TEX14: variants seen among roughly 807,000 people sequenced by gnomAD.
The protein encoded by TEX14 is inactive serine/threonine-protein kinase TEX14.
In TEX14, 168 loss-of-function variants were observed where a neutral mutation model predicts 178.6. That is an observed-to-expected ratio of 0.94 (90% CI 0.83 to 1.07). TEX14 has a LOEUF of 1.07. Among genes scored for constraint, TEX14 ranks in the 50% least tolerant of loss-of-function variants. The pLI, the probability that TEX14 is intolerant of heterozygous loss-of-function variation, is 0.00. For synonymous variants in TEX14, 626 were observed against 634.1 expected (o/e 0.99, Z 0.19); for missense variants, 1,730 against 1,753.6 (o/e 0.99, Z 0.24).
chr17:58,571,912 T>C lies in TEX14; in HGVS notation c.3717+9A>G. ...CCATGAGTTTGTAACGTGGAATTGATATACTTACAAGACCAGTCAGTCTTG... is the reference window on the plus strand; with the variant it reads ...CCATGAGTTTGTAACGTGGAATTGACATACTTACAAGACCAGTCAGTCTTG... On this transcript the variant is annotated intron_variant, in intron 24 of 31. Coordinates refer to ENST00000349033, the MANE Select transcript of TEX14 (RefSeq NM_031272.5). 1.9e-6 allele frequency: 3 copies of C among 1,612,352 alleles called. No individual in the cohort carries two copies. The highest frequency in any genetic ancestry group is 1.1e-5 in the South Asian group (1 of 91,030).
chr17:58,616,989 G>A (rs940037634), intron 6 of TEX14, among the ~76,000 whole-genome samples: 15 of 151,700 alleles, frequency 9.9e-5, no homozygotes, highest in South Asian at 4.1e-4. Context: ...GTTGGCTCAC[G>A]CCTGTAATCC....
intron 1 of TEX14, among the ~76,000 whole-genome samples, chr17:58,673,891 G>A (rs970651014): frequency 3.3e-5 from 5 of 152,068 alleles, no homozygotes; most frequent in Non-Finnish European, 7.3e-5. Flanking sequence ...TTATAGTTAG[G>A]ACATATTATC....
chr17:58,685,996 C>CAAAAA (rs34156664), intron 1 of TEX14, among the ~76,000 whole-genome samples: 7 of 82,480 alleles, frequency 8.5e-5, no homozygotes, highest in African/African-American at 1.9e-4. Flanking sequence ...CTCTGTCTCA[C>CAAAAA]AAAAAAAAAA....
intron 15 of TEX14, among the ~76,000 whole-genome samples, chr17:58,589,794 G>C (rs2045079741): frequency 6.6e-6 from 1 of 151,522 alleles, no homozygotes; most frequent in Non-Finnish European, 1.5e-5. Context: ...CAACTTCCCA[G>C]GCTCCAGCGA....
intron 1 of TEX14, among the ~76,000 whole-genome samples, chr17:58,686,052 G>A (rs1391804770): frequency 1.4e-5 from 2 of 147,120 alleles, no homozygotes; most frequent in Non-Finnish European, 3.0e-5. Context: ...GAAATGTACT[G>A]TAAAAAGATC....
Position 58,601,840 on chromosome 17 carries a change from T to A in TEX14, c.1644A>T (p.Thr548=), listed in dbSNP as rs534773851. 4 of 1,613,332 alleles carry A rather than the reference T, an allele frequency of 2.5e-6. No homozygotes were observed. In the East Asian group the frequency reaches 8.9e-5, roughly 36 times the overall value. ...TTAGTTCTATGATTTCCATGTCAGGTGTCTCTCTGGGGTGTTCTGAAGTCA... is the reference window on the plus strand; with the variant it reads ...TTAGTTCTATGATTTCCATGTCAGGAGTCTCTCTGGGGTGTTCTGAAGTCA... ...LGLTSEHPRE[T]PDMEIIELKE... is the part of the protein sequence containing the mutation. Residue 548 remains threonine, a synonymous_variant, in exon 13 of 32, where the codon ACA becomes ACT. Transcript: ENST00000349033.
intron 1 of TEX14, among the ~76,000 whole-genome samples, chr17:58,683,007 C>T (rs1420643331): frequency 8.8e-5 from 13 of 147,932 alleles, no homozygotes; most frequent in Admixed American, 2.7e-4. Flanking sequence ...GTGTCGAGAT[C>T]GCGCCATTGC....
chr17:58,627,985 G>A (rs1412481758), intron 3 of TEX14, among the ~76,000 whole-genome samples: 1 of 146,778 alleles, frequency 6.8e-6, no homozygotes, highest in Non-Finnish European at 1.5e-5. Context: ...AAACTCCTGG[G>A]CTCGAGCAAT....
intron 3 of TEX14, among the ~76,000 whole-genome samples, chr17:58,624,231 T>C (rs2046079065): frequency 6.6e-6 from 1 of 151,866 alleles, no homozygotes; most frequent in Non-Finnish European, 1.5e-5. Context: ...AGGCAGAGCT[T>C]GCAGTGAGCC....
At chr17:58,690,199 C>T (rs904277643) in intron 1 of TEX14, among the ~76,000 whole-genome samples, 3 of 151,900 alleles carry the variant, frequency 2.0e-5, no homozygotes, top group African/African-American at 7.3e-5. Context: ...TGGAGTCTCG[C>T]TCTGTCGCCC....
At chr17:58,672,609 TA>T (rs1358731150) in intron 1 of TEX14, among the ~76,000 whole-genome samples, 1 of 152,110 alleles carries the variant, frequency 6.6e-6, no homozygotes, top group Admixed American at 6.6e-5. Context: ...AATGTTTTTT[TA>T]TTTTTTGTAT....
chr17:58,562,512 C>CT lies in TEX14; in HGVS notation c.4065-901dup, dbSNP rs534008645. ...GATCACGTAAAAAGAGCTTAATTTT[C>CT]TTTTTTTTTTTTGAGACAGTCTCGC... is the stretch of plus-strand genomic sequence containing the variant. On this transcript the variant is annotated intron_variant, in intron 28 of 31. Transcript: ENST00000349033. 2.5e-3 allele frequency among the ~76,000 whole-genome samples: 361 copies of CT among 145,064 alleles called. 2 individuals carry two copies. The highest frequency in any genetic ancestry group is 5.9e-3 in the South Asian group (27 of 4,552).
intron 29 of TEX14, 101 bp downstream of exon 29, chr17:58,561,419 C>T (rs1301965214): frequency 1.2e-6 from 1 of 819,348 alleles, no homozygotes; most frequent in African/African-American, 1.7e-5. Flanking sequence ...TTATCTAAAT[C>T]AATGTAATGC....
intron 15 of TEX14, among the ~76,000 whole-genome samples, chr17:58,592,357 C>G (rs1313563370): frequency 6.8e-6 from 1 of 147,354 alleles, no homozygotes; most frequent in Non-Finnish European, 1.5e-5. Context: ...TTTTTTGAGA[C>G]GGAGTCTTGC....
chr17:58,665,437 C>T (rs545355523), intron 1 of TEX14, among the ~76,000 whole-genome samples: 5 of 151,942 alleles, frequency 3.3e-5, no homozygotes, highest in African/African-American at 1.2e-4. Flanking sequence ...CCTGCCTCTA[C>T]TAAAAATACA....
intron 15 of TEX14, among the ~76,000 whole-genome samples, chr17:58,590,997 G>T (rs1326208428): frequency 6.6e-6 from 1 of 151,422 alleles, no homozygotes; most frequent in Non-Finnish European, 1.5e-5. Context: ...CACACAAAAA[G>T]ACTAGAGGAA....
At chr17:58,559,164 G>T (rs1340042615) in intron 30 of TEX14, among the ~76,000 whole-genome samples, 1 of 151,774 alleles carries the variant, frequency 6.6e-6, no homozygotes, top group East Asian at 1.9e-4. Flanking sequence ...GAGTGAAACT[G>T]TCTAAAAAAA....
intron 2 of TEX14, among the ~76,000 whole-genome samples, chr17:58,631,397 G>A (rs905852634): frequency 2.8e-4 from 42 of 152,092 alleles, no homozygotes; most frequent in African/African-American, 1.0e-3. Flanking sequence ...AGGCTGCAAT[G>A]AGCCGAAATT....
chr17:58,609,795 C>G (rs2045702165), intron 10 of TEX14, among the ~76,000 whole-genome samples: 1 of 152,118 alleles, frequency 6.6e-6, no homozygotes, highest in East Asian at 1.9e-4. Context: ...TACGCAAAGG[C>G]CTGTTCTGGG....
Sources: allele counts gnomAD v4.1 joint callset (sites outside exome capture counted in the v4.1 genomes callset), GRCh38; gene constraint gnomAD v4.1.1; transcripts MANE v1.5; gene names NCBI Gene and HGNC (gene_info 2026-07-23, HGNC 2026-07-21).